Variants in ECE1 observed in about 807,000 individuals in gnomAD.
ECE1 encodes endothelin converting enzyme 1, also known as endothelin-converting enzyme 1.
ECE1 carries 35 observed loss-of-function variants against 98.6 expected under a neutral mutation model. The observed-to-expected ratio is 0.35, with a 90% CI of 0.27 to 0.47. The LOEUF (loss-of-function observed/expected upper bound fraction) is 0.47. Ranked by LOEUF, ECE1 falls within the 20% of genes least tolerant of loss-of-function variation. The probability of loss-of-function intolerance (pLI) is 1.00; values close to 1 mark genes in which losing one functional copy is unlikely to be tolerated. For missense variants in ECE1, 814 were observed against 1,025.3 expected, an observed-to-expected ratio of 0.79 and a Z score of 2.81; for synonymous variants, 394 against 407.1, an observed-to-expected ratio of 0.97 and a Z score of 0.39.
At chr1:21,244,560 G>A (rs998079128) in intron 10 of ECE1, among the ~76,000 whole-genome samples, 4 of 152,170 alleles carry the variant, frequency 2.6e-5, no homozygotes, top group Non-Finnish European at 4.4e-5. Flanking sequence ...GGCATTTAAC[G>A]GCAGGTAGAG....
intron 1 of ECE1, among the ~76,000 whole-genome samples, chr1:21,336,568 C>T (rs536655690): frequency 4.0e-5 from 6 of 151,430 alleles, no homozygotes; most frequent in East Asian, 1.9e-4. Context: ...TGGCCGGGCG[C>T]GGTGGCTCAC....
rs80291210 is a variant in ECE1, at chr1:21,274,614, T to C, written c.281-1703A>G. On this transcript the variant is annotated intron_variant, in intron 3 of 18. Coordinates refer to ENST00000374893, the MANE Select transcript of ECE1 (RefSeq NM_001397.3). ...AGAGAGCAGCAAAGAACGCACGAGC[T>C]AGTATGGGCAGTGTTCCCCTCACTC... is the stretch of plus-strand genomic sequence containing the variant. 1.7e-3 allele frequency among the ~76,000 whole-genome samples: 266 copies of C among 152,286 alleles called. 1 individual carries two copies. The highest frequency in any genetic ancestry group is 5.8e-3 in the African/African-American group (241 of 41,562).
intron 9 of ECE1, among the ~76,000 whole-genome samples, chr1:21,246,803 G>C (rs1269432124): frequency 2.0e-5 from 3 of 152,190 alleles, no homozygotes; most frequent in African/African-American, 7.2e-5. Context: ...TGGGTGACAG[G>C]CACGCGACAC....
chr1:21,336,142 A>C (rs1639301603), intron 1 of ECE1, among the ~76,000 whole-genome samples: 1 of 152,244 alleles, frequency 6.6e-6, no homozygotes, highest in Non-Finnish European at 1.5e-5. Context: ...GCACCATGGA[A>C]GGCTAAGGTG....
In ECE1 at chr1:21,345,366, C is replaced by G. The variant is rs1421589230; in HGVS notation, c.3+10G>C. 7.4e-7 allele frequency: 1 copy of G among 1,354,964 alleles called. No homozygotes were observed. The highest frequency in any genetic ancestry group is 9.6e-7 in the Non-Finnish European group (1 of 1,044,598). 83.9% of individuals were successfully genotyped at this position (1,354,964 alleles called of 1,614,324 possible). ...CTGGACCGGACCAGACCTCCGCGCG[C>G]AGCACTCACCATAGCTCGCGTGCTC... On this transcript the variant is annotated intron_variant, in intron 1 of 18. Coordinates refer to the ECE1 transcript ENST00000415912. This position sits in a 1 kb window ranked among gnomAD's most constrained non-coding sequence, Gnocchi z 5.1.
chr1:21,277,379 G>A (rs947034887), intron 3 of ECE1, among the ~76,000 whole-genome samples: 1 of 152,236 alleles, frequency 6.6e-6, no homozygotes, highest in African/African-American at 2.4e-5. Flanking sequence ...CCGAGGGGCA[G>A]TCTCAGGGTA....
chr1:21,313,566 G>T (rs568870891), intron 1 of ECE1, among the ~76,000 whole-genome samples: 2 of 152,128 alleles, frequency 1.3e-5, no homozygotes, highest in Non-Finnish European at 2.9e-5. Context: ...AGGTGGGAGT[G>T]GGGGAGCAGG....
chr1:21,298,597 C>T (rs546904221), intron 1 of ECE1: 65 of 377,696 alleles, frequency 1.7e-4, no homozygotes, highest in Middle Eastern at 1.0e-3. Flanking sequence ...AGGGAAGGAA[C>T]GACCAGAGAA....
rs903413799 is a variant in ECE1 at position 21,220,062 on chromosome 1, G to A, written c.2206C>T (p.Arg736Cys). ...GLITDPHSPSRFRVIGSLSNS... is the reference protein window; with the variant it reads ...GLITDPHSPSCFRVIGSLSNS... ...GAGAGGGAGCCGATGACCCGGAAGC[G>A]AGAGGGGCTGTGGGGATCGGTGATG... The change falls in exon 19 of 19, where the codon CGC becomes TGC. Residue 736 changes from arginine (R) to cysteine (C), a missense_variant. Physicochemically the swap from Arg to Cys is radical, Grantham distance 180. Around this residue, in one of 3 missense-constraint regions of ECE1, gnomAD observed 452 missense variants for 567.3 expected, o/e 0.80. Transcript: ENST00000374893. The surrounding 1 kb of genome is among the most constrained non-coding windows in gnomAD (Gnocchi z 5.0). The A allele has an allele frequency of 3.1e-6, 5 of 1,614,224 alleles. No individual in the cohort carries two copies. The highest frequency in any genetic ancestry group is 4.2e-6 in the Non-Finnish European group (5 of 1,180,040).
In ECE1 at chr1:21,225,652, C is replaced by G. The variant is rs2103212430; in HGVS notation, c.1850-212G>C. ...TGAAGGAGAGAAATCGGGAAAAGCT[C>G]CAGCGTGGCCCGAGGCTCAGTGGGG... On this transcript the variant is annotated intron_variant, in intron 16 of 18. Coordinates refer to ENST00000374893, the MANE Select transcript of ECE1 (RefSeq NM_001397.3). This position sits in a 1 kb window ranked among gnomAD's most constrained non-coding sequence, Gnocchi z 5.3. Among the ~76,000 whole-genome samples the G allele has an allele frequency of 6.6e-6, 1 of 151,770 alleles. No homozygotes were observed. The highest frequency in any genetic ancestry group is 1.5e-5 in the Non-Finnish European group (1 of 67,988).
intron 3 of ECE1, among the ~76,000 whole-genome samples, chr1:21,277,313 G>A (rs947406862): frequency 1.8e-4 from 27 of 152,356 alleles, no homozygotes; most frequent in South Asian, 4.1e-4. Context: ...TGATCATCAG[G>A]AGCTGGCCCG....
At chr1:21,223,757 C>T (rs2098170339) in intron 17 of ECE1, among the ~76,000 whole-genome samples, 1 of 152,102 alleles carries the variant, frequency 6.6e-6, no homozygotes, top group South Asian at 2.1e-4. Context: ...AGCCACCGTG[C>T]CCAGCCATTT....
chr1:21,344,006 G>A (rs551109787), intron 1 of ECE1, among the ~76,000 whole-genome samples: 2 of 152,272 alleles, frequency 1.3e-5, no homozygotes, highest in South Asian at 2.1e-4. Context: ...GGCATTACAG[G>A]GGAGATTCCT....
intron 5 of ECE1, among the ~76,000 whole-genome samples, chr1:21,259,349 C>G (rs1055081994): frequency 6.6e-6 from 1 of 152,046 alleles, no homozygotes; most frequent in East Asian, 1.9e-4. Flanking sequence ...CTCACTGCAG[C>G]CTCCACCTCC....
intron 1 of ECE1, among the ~76,000 whole-genome samples, chr1:21,344,169 G>A (rs377501299): frequency 1.3e-5 from 2 of 152,254 alleles, no homozygotes; most frequent in African/African-American, 4.8e-5. Context: ...TTGGAAGGGA[G>A]AGATGGGGGG....
rs1304792034 is a variant in ECE1 at position 21,340,016 on chromosome 1, C to T, written c.3+5360G>A. ...AACTCTTCAAGGACAAGTGAACCCC[C>T]CTCCTAATTTTTTATGTGTCCAAAA... On this transcript the variant is annotated intron_variant, in intron 1 of 18. Transcript: ENST00000415912. This position sits in a 1 kb window ranked among gnomAD's most constrained non-coding sequence, Gnocchi z 4.6. Among the ~76,000 whole-genome samples the T allele has an allele frequency of 3.9e-5, 6 of 152,316 alleles. No individual in the cohort carries two copies. The East Asian group carries it at 1.2e-3, about 29-fold the overall frequency.
At chr1:21,257,249 G>C (rs1360547236) in intron 7 of ECE1, among the ~76,000 whole-genome samples, 1 of 152,184 alleles carries the variant, frequency 6.6e-6, no homozygotes, top group Non-Finnish European at 1.5e-5. Flanking sequence ...ATGTATAAAG[G>C]GCCAGGCGAA....
intron 13 of ECE1, among the ~76,000 whole-genome samples, chr1:21,234,109 C>T (rs1329477446): frequency 3.3e-5 from 5 of 151,898 alleles, no homozygotes; most frequent in African/African-American, 1.2e-4. Context: ...GCCTCAGCCT[C>T]CCAGAGTAGC....
chr1:21,273,769 C>A (rs936319851), intron 3 of ECE1, among the ~76,000 whole-genome samples: 2 of 152,176 alleles, frequency 1.3e-5, no homozygotes, highest in Non-Finnish European at 2.9e-5. Flanking sequence ...GCAGAAGAAT[C>A]GTTTGAACCC....
Sources: gnomAD v4.1 joint callset for allele counts (sites outside exome capture counted in the v4.1 genomes callset) on GRCh38, gnomAD v4.1.1 for gene constraint, gnomAD v4.1.1 regional missense constraint, Gnocchi (gnomAD v3.1) non-coding constraint, MANE v1.5 for transcripts, NCBI Gene and HGNC (gene_info 2026-07-23, HGNC 2026-07-21) for gene names.